The following PTPN1 variants were observed in gnomAD, a reference collection of about 807,000 sequenced individuals.
PTPN1 encodes the protein protein tyrosine phosphatase non-receptor type 1, also known as tyrosine-protein phosphatase non-receptor type 1.
In PTPN1, 12 loss-of-function variants were observed where a neutral mutation model predicts 59.9. That is an observed-to-expected ratio of 0.20 (90% CI 0.13 to 0.32). The LOEUF (loss-of-function observed/expected upper bound fraction) is 0.32. Ranked by LOEUF, PTPN1 falls within the 10% of genes least tolerant of loss-of-function variation. The pLI, the probability that PTPN1 is intolerant of heterozygous loss-of-function variation, is 1.00. For synonymous variants in PTPN1, 178 were observed against 203.6 expected (o/e 0.87, Z 1.07); for missense variants, 356 against 549.2 (o/e 0.65, Z 3.52).
At chr20:50,536,659 A>G (rs920587237) in intron 1 of PTPN1, among the ~76,000 whole-genome samples, 21 of 152,194 alleles carry the variant, frequency 1.4e-4, no homozygotes, top group Admixed American at 7.2e-4. Flanking sequence ...ATGTTTTACC[A>G]CTATACATAG....
intron 3 of PTPN1, among the ~76,000 whole-genome samples, chr20:50,567,080 G>C (rs2082782731): frequency 6.6e-6 from 1 of 152,216 alleles, no homozygotes; most frequent in African/African-American, 2.4e-5. Flanking sequence ...GGACACTGAG[G>C]GCTAGTGGTT....
intron 1 of PTPN1, among the ~76,000 whole-genome samples, chr20:50,542,815 TTTA>T (rs1332634204): frequency 6.6e-6 from 1 of 152,224 alleles, no homozygotes; most frequent in Admixed American, 6.5e-5. Flanking sequence ...GTATAGACAA[TTTA>T]TTTTTTATGT....
chr20:50,526,768 G>T lies in PTPN1; in HGVS notation c.63+16178G>T, dbSNP rs148889038. ...CTCACTTCCCTCCTTATGCATCTGA[G>T]ACTGTGGTCAGTCACTTTAGATGCT... On this transcript the variant is annotated intron_variant, in intron 1 of 9. Coordinates refer to ENST00000371621, the MANE Select transcript of PTPN1 (RefSeq NM_002827.4). Among the ~76,000 whole-genome samples the T allele has an allele frequency of 5.4e-3, 824 of 152,088 alleles. 10 individuals carry two copies. The highest frequency in any genetic ancestry group is 0.019 in the African/African-American group (798 of 41,478).
At chr20:50,544,080 G>A (rs921484877) in intron 1 of PTPN1, among the ~76,000 whole-genome samples, 24 of 152,224 alleles carry the variant, frequency 1.6e-4, no homozygotes, top group African/African-American at 5.5e-4. Context: ...TCCTGACCTC[G>A]TGATCCGCCT....
At chr20:50,532,043 T>C (rs2082603703) in intron 1 of PTPN1, among the ~76,000 whole-genome samples, 1 of 152,198 alleles carries the variant, frequency 6.6e-6, no homozygotes, top group Non-Finnish European at 1.5e-5. Flanking sequence ...TGGTATGGAA[T>C]CTGTCTGTAG....
chr20:50,556,801 TG>T, intron 1 of PTPN1, among the ~76,000 whole-genome samples: 1 of 152,214 alleles, frequency 6.6e-6, no homozygotes, highest in East Asian at 1.9e-4. Context: ...CAAAATTAGC[TG>T]GGCATGGTGG....
intron 1 of PTPN1, among the ~76,000 whole-genome samples, chr20:50,525,180 C>G (rs1421780624): frequency 6.6e-6 from 1 of 152,104 alleles, no homozygotes; most frequent in Non-Finnish European, 1.5e-5. Flanking sequence ...CTGCCTCAGC[C>G]TCCTGAGTAG....
chr20:50,531,656 C>T (rs900546966), intron 1 of PTPN1, among the ~76,000 whole-genome samples: 2 of 152,180 alleles, frequency 1.3e-5, no homozygotes, highest in Admixed American at 6.5e-5. Context: ...GGATTACAGG[C>T]GTGAGCCACT....
rs1375992957 is a variant in PTPN1 at position 50,574,322 on chromosome 20, C to G, written c.355-195C>G. The G allele has an allele frequency of 1.1e-5, 6 of 551,744 alleles. No homozygotes were observed. In the Admixed American group the frequency reaches 2.5e-4, roughly 23 times the overall value. The allele number at this position is 551,744 out of a possible 1,614,324, so 34.2% of individuals were successfully genotyped here. ...GAAGTCTGAGCCCTGTCTGCACAAC[C>G]TGCCCCGGTCAGCAGCTTCGTGCCC... On this transcript the variant is annotated intron_variant, in intron 4 of 9. Transcript: ENST00000371621.
At chr20:50,539,572 A>G (rs912016884) in intron 1 of PTPN1, among the ~76,000 whole-genome samples, 1 of 150,982 alleles carries the variant, frequency 6.6e-6, no homozygotes, top group East Asian at 1.9e-4. Flanking sequence ...TTGACAGTCT[A>G]ATTATCTTTT....
At chr20:50,535,495 C>T (rs1285608841) in intron 1 of PTPN1, among the ~76,000 whole-genome samples, 1 of 152,144 alleles carries the variant, frequency 6.6e-6, no homozygotes, top group Non-Finnish European at 1.5e-5. Context: ...ATTATGAATA[C>T]TCTTTTCTCT....
intron 1 of PTPN1, among the ~76,000 whole-genome samples, chr20:50,541,624 C>T (rs1470059564): frequency 6.6e-6 from 1 of 152,142 alleles, no homozygotes; most frequent in East Asian, 1.9e-4. Flanking sequence ...CTTCCTCTCT[C>T]CTTTCTGACC....
chr20:50,543,289 T>G (rs1289121397), intron 1 of PTPN1, among the ~76,000 whole-genome samples: 1 of 152,256 alleles, frequency 6.6e-6, no homozygotes, highest in Non-Finnish European at 1.5e-5. Flanking sequence ...CAGTATTTAT[T>G]TTAACTACAA....
intron 1 of PTPN1, among the ~76,000 whole-genome samples, chr20:50,529,588 ATTGTTT>A (rs1242239127): frequency 2.0e-5 from 3 of 152,196 alleles, no homozygotes; most frequent in African/African-American, 7.2e-5. Context: ...AAACCAAATC[ATTGTTT>A]TTGTTTTTAA....
At chr20:50,517,644 A>G (rs1032692267) in intron 1 of PTPN1, among the ~76,000 whole-genome samples, 6 of 152,192 alleles carry the variant, frequency 3.9e-5, no homozygotes, top group Non-Finnish European at 5.9e-5. Flanking sequence ...GGTTTTATGG[A>G]TACCCTATGG....
At chr20:50,578,296 A>T (rs2082847039) in intron 5 of PTPN1, 124 bp from the exon 6 acceptor site, 3 of 895,510 alleles carry the variant, frequency 3.4e-6, no homozygotes, top group Admixed American at 4.1e-5. Context: ...CCCTGGGAGA[A>T]AGTCTGAGAA....
At position 50,578,686 on chromosome 20, in the gene PTPN1, T is replaced by C. The variant is rs377391707; in HGVS notation, c.702+57T>C. 4.3e-5 allele frequency: 63 copies of C among 1,449,552 alleles called. No homozygotes were observed. The East Asian group carries it at 5.2e-4, about 12-fold the overall frequency. 89.8% of individuals were successfully genotyped at this position (1,449,552 alleles called of 1,614,324 possible). Reference sequence around the variant, plus strand: ...CTCCTCTACCTGCTCTGCTGTGATGTTTTTTCCTAAGTAGAAACTGAAGCG... The same window carrying C: ...CTCCTCTACCTGCTCTGCTGTGATGCTTTTTCCTAAGTAGAAACTGAAGCG... On this transcript the variant is annotated intron_variant, in intron 6 of 9. Transcript: ENST00000371621.
chr20:50,571,484 T>C (rs1200086965), intron 4 of PTPN1: 1 of 152,252 alleles, frequency 6.6e-6, no homozygotes, highest in Non-Finnish European at 1.5e-5. Context: ...AGTTACAGTA[T>C]CTTATTTGCT....
rs1463547974 is a variant in PTPN1, at chr20:50,547,481, A to C, written c.64-13882A>C. 3.3e-5 allele frequency among the ~76,000 whole-genome samples: 5 copies of C among 151,954 alleles called. No individual in the cohort carries two copies. In the South Asian group the frequency reaches 1.0e-3, roughly 32 times the overall value. On this transcript the variant is annotated intron_variant, in intron 1 of 9. Coordinates refer to ENST00000371621, the MANE Select transcript of PTPN1 (RefSeq NM_002827.4). Reference sequence around the variant, plus strand: ...CGGGTTCAAGCGATTCTCCTGCCTCAGCCTCCCGAGTAGCTGGGATTATAG... The same window carrying C: ...CGGGTTCAAGCGATTCTCCTGCCTCCGCCTCCCGAGTAGCTGGGATTATAG...
Sources: gnomAD v4.1 joint callset for allele counts (sites outside exome capture counted in the v4.1 genomes callset) on GRCh38, gnomAD v4.1.1 for gene constraint, MANE v1.5 for transcripts, NCBI Gene and HGNC (gene_info 2026-07-23, HGNC 2026-07-21) for gene names.